PTGER3: variants seen among roughly 807,000 people sequenced by gnomAD.
PTGER3 encodes prostaglandin E2 receptor EP3 subtype.
Under a neutral mutation model 34.7 loss-of-function variants are expected in PTGER3, and 22 were observed. The observed-to-expected ratio is 0.63, with a 90% CI of 0.45 to 0.91. The LOEUF (loss-of-function observed/expected upper bound fraction) is 0.91. Ranked by LOEUF, PTGER3 falls within the 40% of genes least tolerant of loss-of-function variation. The pLI, the probability that PTGER3 is intolerant of heterozygous loss-of-function variation, is 0.00. For synonymous variants in PTGER3, 241 were observed against 230.1 expected (o/e 1.05, Z -0.43); for missense variants, 468 against 519.4 (o/e 0.90, Z 0.96).
chr1:70,865,992 G>T (rs1646034435), intron 4 of PTGER3, among the ~76,000 whole-genome samples: 1 of 152,134 alleles, frequency 6.6e-6, no homozygotes, highest in Non-Finnish European at 1.5e-5. Context: ...TTCCTTCTCT[G>T]GGAAGCTTTC....
At chr1:70,908,504 C>G (rs531589365) in intron 4 of PTGER3, among the ~76,000 whole-genome samples, 2 of 152,258 alleles carry the variant, frequency 1.3e-5, no homozygotes, top group South Asian at 4.1e-4. Context: ...GGATTGAGCT[C>G]CAAGTACACT....
At chr1:70,876,290 T>TG (rs1646271164) in intron 4 of PTGER3, among the ~76,000 whole-genome samples, 1 of 151,858 alleles carries the variant, frequency 6.6e-6, no homozygotes, top group African/African-American at 2.4e-5. Flanking sequence ...GGTTTTTTTT[T>TG]TTTTTGCTTA....
At chr1:71,000,972 T>C (rs968875312) in intron 2 of PTGER3, among the ~76,000 whole-genome samples, 7 of 152,118 alleles carry the variant, frequency 4.6e-5, no homozygotes, top group Admixed American at 3.9e-4. Context: ...ATAATGTCTA[T>C]AAAGTTGATT....
chr1:70,940,835 T>C (rs1371576996), intron 4 of PTGER3, among the ~76,000 whole-genome samples: 1 of 152,182 alleles, frequency 6.6e-6, no homozygotes, highest in East Asian at 1.9e-4. Context: ...TTGTTTGTCA[T>C]TTTCTTAACA....
chr1:70,955,139 CCAGA>C (rs1259121108), intron 2 of PTGER3, among the ~76,000 whole-genome samples: 2 of 152,028 alleles, frequency 1.3e-5, no homozygotes, highest in African/African-American at 2.4e-5. Context: ...GAATTTGTAG[CCAGA>C]CAAACTTGAG....
intron 4 of PTGER3, among the ~76,000 whole-genome samples, chr1:70,863,445 G>A (rs1645972672): frequency 6.6e-6 from 1 of 152,128 alleles, no homozygotes; most frequent in Non-Finnish European, 1.5e-5. Context: ...GATGTAGCTG[G>A]TTAGAGGATT....
intron 4 of PTGER3, among the ~76,000 whole-genome samples, chr1:70,895,702 G>A (rs375580246): frequency 6.6e-6 from 1 of 152,186 alleles, no homozygotes; most frequent in Admixed American, 6.5e-5. Context: ...TCAGAGAACA[G>A]GAAAGGAATT....
chr1:71,006,575 T>C, intron 2 of PTGER3: 1 of 981,532 alleles, frequency 1.0e-6, no homozygotes, highest in Non-Finnish European at 1.2e-6. Flanking sequence ...GCACTCTGTG[T>C]TAAGAACAAT....
At chr1:70,945,605 A>C (rs532168112) in intron 4 of PTGER3, among the ~76,000 whole-genome samples, 1 of 152,228 alleles carries the variant, frequency 6.6e-6, no homozygotes, top group Admixed American at 6.5e-5. Context: ...AGATCTAGCT[A>C]TATATTGCTT....
At chr1:70,973,962 C>T (rs1467328927) in intron 3 of PTGER3, among the ~76,000 whole-genome samples, 2 of 152,086 alleles carry the variant, frequency 1.3e-5, no homozygotes, top group East Asian at 1.9e-4. Flanking sequence ...GATTCTGATA[C>T]CTAATTAAAA....
chr1:70,935,323 T>C (rs1383101923), intron 4 of PTGER3, among the ~76,000 whole-genome samples: 1 of 152,182 alleles, frequency 6.6e-6, no homozygotes, highest in Non-Finnish European at 1.5e-5. Flanking sequence ...CTAGTCAGTA[T>C]TATTTAGACT....
At chr1:70,921,002 A>G (rs1430599275) in intron 4 of PTGER3, among the ~76,000 whole-genome samples, 2 of 152,234 alleles carry the variant, frequency 1.3e-5, no homozygotes, top group Admixed American at 1.3e-4. Flanking sequence ...ATGCAGTGCT[A>G]TCACTGTTAA....
At chr1:70,981,287 T>C (rs966328662) in intron 2 of PTGER3, among the ~76,000 whole-genome samples, 1 of 104,096 alleles carries the variant, frequency 9.6e-6, no homozygotes, top group Admixed American at 9.1e-5. Context: ...CTTTTCTCTC[T>C]CTCTCTTCCT....
intron 4 of PTGER3, among the ~76,000 whole-genome samples, chr1:70,872,223 C>T (rs536004660): frequency 3.9e-5 from 6 of 152,090 alleles, no homozygotes; most frequent in East Asian, 1.9e-4. Flanking sequence ...GGGAGATGGT[C>T]GGTGTTTTTC....
chr1:70,970,794 C>T lies in PTGER3; in HGVS notation c.*936G>A, dbSNP rs777232500. ...TGACTCAAGTATATCTTTTAGAAGT[C>T]CACAAAGTTTTTTATTTTAATACAG... is the stretch of plus-strand genomic sequence containing the variant. On this transcript the variant is annotated 3_prime_UTR_variant, in exon 4 of 4. Transcript: ENST00000306666. 3 of 784,748 alleles carry T rather than the reference C, an allele frequency of 3.8e-6. No homozygotes were observed. The highest frequency in any genetic ancestry group is 6.3e-5 in the Admixed American group (1 of 15,998). 48.6% of individuals were successfully genotyped at this position (784,748 alleles called of 1,614,324 possible). A position where few individuals can be genotyped will look rare whatever the true frequency, so the allele number is the denominator to read the frequency against.
intron 1 of PTGER3, among the ~76,000 whole-genome samples, chr1:71,021,703 GA>G (rs1658436358): frequency 6.6e-6 from 1 of 151,582 alleles, no homozygotes; most frequent in South Asian, 2.1e-4. Flanking sequence ...CAGAAAATCG[GA>G]GTGTTCGTGA....
chr1:70,886,896 A>G (rs939073569), intron 4 of PTGER3, among the ~76,000 whole-genome samples: 5 of 152,200 alleles, frequency 3.3e-5, no homozygotes, highest in African/African-American at 9.7e-5. Context: ...GTTTGACCCC[A>G]TTGACCCAGT....
intron 1 of PTGER3, among the ~76,000 whole-genome samples, chr1:71,028,301 C>T (rs1659115654): frequency 6.6e-6 from 1 of 152,026 alleles, no homozygotes; most frequent in Non-Finnish European, 1.5e-5. Context: ...CCAGGAAGCA[C>T]GTACTACAGC....
intron 4 of PTGER3, among the ~76,000 whole-genome samples, chr1:70,871,994 C>T (rs893493148): frequency 3.3e-5 from 5 of 152,270 alleles, no homozygotes; most frequent in Admixed American, 2.0e-4. Flanking sequence ...AGTCTTTTAA[C>T]GTCAGTCACT....
Sources: allele counts gnomAD v4.1 joint callset (sites outside exome capture counted in the v4.1 genomes callset), GRCh38; gene constraint gnomAD v4.1.1; transcripts MANE v1.5; gene names NCBI Gene and HGNC (gene_info 2026-07-23, HGNC 2026-07-21).